EML6: variants seen among roughly 807,000 people sequenced by gnomAD.
EML6 encodes echinoderm microtubule-associated protein-like 6.
Under a neutral mutation model 240.1 loss-of-function variants are expected in EML6, and 154 were observed. The observed-to-expected ratio is 0.64, with a 90% CI of 0.56 to 0.73. EML6 has a LOEUF of 0.73. EML6 is among the 30% of genes least tolerant of loss of function. EML6 has a pLI of 0.00. For synonymous variants in EML6, 1,148 were observed against 899.0 expected (o/e 1.28, Z -4.95); for missense variants, 2,964 against 2,474.6 (o/e 1.20, Z -4.20).
chr2:54,873,533 C>CT (rs1265905981), intron 16 of EML6, among the ~76,000 whole-genome samples: 1 of 151,786 alleles, frequency 6.6e-6, no homozygotes, highest in Admixed American at 6.6e-5. Flanking sequence ...GCAGTGAAAC[C>CT]TAAAAGAAGC....
chr2:54,733,552 C>T (rs1343328586), intron 2 of EML6, among the ~76,000 whole-genome samples: 2 of 152,164 alleles, frequency 1.3e-5, no homozygotes, highest in Non-Finnish European at 2.9e-5. Context: ...GGAAGTGTCC[C>T]TGTGCATCAC....
In EML6 at chr2:54,858,920, A is replaced by G. The variant is rs567353426; in HGVS notation, c.1658-614A>G. 1.2e-4 allele frequency among the ~76,000 whole-genome samples: 18 copies of G among 152,306 alleles called. No homozygotes were observed. The South Asian group carries it at 3.1e-3, about 26-fold the overall frequency. On this transcript the variant is annotated intron_variant, in intron 11 of 41. Transcript: ENST00000356458. ...ATGGACTTTGGGGTTCTAGGCCTCC[A>G]TGTAAGATGGACCCTGCTTATTACT...
At chr2:54,735,324 G>T (rs1683344549) in intron 2 of EML6, among the ~76,000 whole-genome samples, 1 of 152,206 alleles carries the variant, frequency 6.6e-6, no homozygotes, top group Non-Finnish European at 1.5e-5. Flanking sequence ...CTTGTCATGG[G>T]CATAGTAAGT....
chr2:54,793,647 A>G (rs67742514), intron 2 of EML6, among the ~76,000 whole-genome samples: 32,162 of 152,026 alleles, frequency 0.21, 3,736 homozygotes, highest in Middle Eastern at 0.32. Context: ...ACAGTACCCC[A>G]GTTCTTTTCA....
chr2:54,884,448 C>A (rs1672012198), intron 17 of EML6, among the ~76,000 whole-genome samples: 1 of 152,288 alleles, frequency 6.6e-6, no homozygotes, highest in Non-Finnish European at 1.5e-5. Flanking sequence ...ATCTTTTGAT[C>A]CCTCTCCCTT....
At chr2:54,727,145 G>A (rs1389560213) in intron 2 of EML6, among the ~76,000 whole-genome samples, 1 of 152,222 alleles carries the variant, frequency 6.6e-6, no homozygotes, top group Non-Finnish European at 1.5e-5. Flanking sequence ...GAAGTGATGT[G>A]TATAACTGGG....
intron 33 of EML6, 52 bp downstream of exon 33, chr2:54,958,050 G>A: frequency 2.1e-6 from 3 of 1,439,072 alleles, no homozygotes; most frequent in Non-Finnish European, 2.8e-6. Flanking sequence ...CCCTGGGCAT[G>A]GGCATGGGCA....
chr2:54,763,481 G>C (rs186251969), intron 2 of EML6, among the ~76,000 whole-genome samples: 2 of 152,302 alleles, frequency 1.3e-5, no homozygotes, highest in African/African-American at 4.8e-5. Context: ...GATATACTCA[G>C]AGAAGTATTC....
intron 28 of EML6, among the ~76,000 whole-genome samples, chr2:54,944,187 A>G (rs1261352483): frequency 6.6e-6 from 1 of 152,074 alleles, no homozygotes; most frequent in Non-Finnish European, 1.5e-5. Flanking sequence ...ACTGACTCCC[A>G]TCTCTCAGTG....
At chr2:54,899,550 A>G (rs569716249) in intron 21 of EML6, 91 bp from the exon 22 acceptor site, 30 of 1,258,476 alleles carry the variant, frequency 2.4e-5, no homozygotes, top group Admixed American at 3.1e-5. Context: ...TTTTTGTGGT[A>G]CTCTTGGACT....
rs1051416980 is a variant in EML6 at position 54,725,375 on chromosome 2, GC to G, written c.197+119del. The G allele has an allele frequency of 2.7e-6, 2 of 745,642 alleles. No homozygotes were observed. Among genetic ancestry groups the G allele is most frequent in the African/African-American group, 3.7e-5 (2 of 53,782 alleles). 46.2% of individuals were successfully genotyped at this position (745,642 alleles called of 1,614,324 possible). On this transcript the variant is annotated intron_variant, in intron 2 of 41. Transcript: ENST00000356458. The surrounding 1 kb of genome is among the most constrained non-coding windows in gnomAD (Gnocchi z 4.3). ...CGTGGAATAGAGGATTCTCTCTGGA[GC>G]CGCATGGAATTACTGAAGGGCTGCT...
chr2:54,833,201 G>A (rs957130338), intron 7 of EML6, among the ~76,000 whole-genome samples: 9 of 152,144 alleles, frequency 5.9e-5, no homozygotes, highest in Non-Finnish European at 1.3e-4. Flanking sequence ...GAATCTGAGG[G>A]TATTTATAAA....
chr2:54,943,953 A>T (rs1023050633), intron 28 of EML6, among the ~76,000 whole-genome samples: 4 of 152,224 alleles, frequency 2.6e-5, no homozygotes, highest in Admixed American at 1.3e-4. Flanking sequence ...GAAGAATATA[A>T]ACGTTCTTCT....
intron 10 of EML6, among the ~76,000 whole-genome samples, chr2:54,851,254 C>G (rs1460101849): frequency 6.6e-6 from 1 of 150,746 alleles, no homozygotes; most frequent in Non-Finnish European, 1.5e-5. Context: ...GCTAAAGATA[C>G]AAAAAAAAAT....
chr2:54,850,362 C>A, intron 10 of EML6, 144 bp downstream of exon 10: 1 of 664,588 alleles, frequency 1.5e-6, no homozygotes, highest in Non-Finnish European at 2.5e-6. Context: ...CACCTCAGGG[C>A]AAGGAATGTT....
At chr2:54,961,534 G>C (rs1054666372) in intron 35 of EML6, among the ~76,000 whole-genome samples, 2 of 151,836 alleles carry the variant, frequency 1.3e-5, no homozygotes, top group African/African-American at 2.4e-5. Context: ...CTAAGAGCTT[G>C]AGCTGTCCAA....
At chr2:54,766,271 T>G (rs931095718) in intron 2 of EML6, among the ~76,000 whole-genome samples, 1 of 152,218 alleles carries the variant, frequency 6.6e-6, no homozygotes, top group African/African-American at 2.4e-5. Flanking sequence ...GTCCCAATAA[T>G]GTCCTTCAGA....
rs762386100 is a variant in EML6 at position 54,847,553 on chromosome 2, G to A, written c.1117G>A (p.Ala373Thr). 1.3e-6 allele frequency: 2 copies of A among 1,552,296 alleles called. No homozygotes were observed. The highest frequency in any genetic ancestry group is 2.7e-5 in the African/African-American group (2 of 73,166). ...CNMEEAVRSV[A>T]FSPDGSQLAL... is the part of the protein sequence containing the mutation. ...CATGGAAGAGGCGGTTCGCAGTGTA[G>A]CTTTCAGCCCCGACGGATCTCAGCT... The change falls in exon 9 of 42, where the codon GCT (alanine) becomes ACT (threonine). Residue 373 changes from alanine (A) to threonine (T), a missense_variant. Coordinates refer to ENST00000356458, the MANE Select transcript of EML6 (RefSeq NM_001039753.4).
Position 54,959,329 on chromosome 2 carries a change from T to A in EML6, c.4853+68T>A. 3 of 1,423,242 alleles carry A rather than the reference T, an allele frequency of 2.1e-6. No homozygotes were observed. In the South Asian group the frequency reaches 4.4e-5, roughly 21 times the overall value. 88.2% of individuals were successfully genotyped at this position (1,423,242 alleles called of 1,614,324 possible). On this transcript the variant is annotated intron_variant, in intron 34 of 41. Transcript: ENST00000356458. ...ATCTTGGGAGAAACTGACAAAAGTG[T>A]TCCCAACTTGGAGAAAATGCAGACT...
Sources: allele counts gnomAD v4.1 joint callset (sites outside exome capture counted in the v4.1 genomes callset), GRCh38; gene constraint gnomAD v4.1.1; non-coding constraint Gnocchi (gnomAD v3.1); transcripts MANE v1.5; gene names NCBI Gene and HGNC (gene_info 2026-07-23, HGNC 2026-07-21).